The following ERAP1 variants were observed in gnomAD, a reference collection of about 807,000 sequenced individuals.
ERAP1 encodes the protein endoplasmic reticulum aminopeptidase 1, also known as adipocyte-derived leucine aminopeptidase.
In ERAP1, 86 loss-of-function variants were observed where a neutral mutation model predicts 103.7. That is an observed-to-expected ratio of 0.83 (90% CI 0.70 to 0.99). ERAP1 has a LOEUF of 0.99. Ranked by LOEUF, ERAP1 falls within the 50% of genes least tolerant of loss-of-function variation. The pLI, the probability that ERAP1 is intolerant of heterozygous loss-of-function variation, is 0.00. For synonymous variants in ERAP1, 398 were observed against 402.4 expected (o/e 0.99, Z 0.13); for missense variants, 1,009 against 1,128.4 (o/e 0.89, Z 1.52).
the ERAP1 span, among the ~76,000 whole-genome samples, chr5:96,846,794 A>T: frequency 1.4e-5 from 2 of 137,946 alleles, no homozygotes; most frequent in East Asian, 1.9e-4. Context: ...AAGCCATGGT[A>T]AAAAAAATGA....
At chr5:96,808,054 A>AGT, upstream of ERAP1, 1 of 985,360 alleles carries the variant, frequency 1.0e-6, no homozygotes, top group East Asian at 1.1e-4. Flanking sequence ...GGTAAACGGG[A>AGT]GTGGGGCCGA....
intron 11 of ERAP1, chr5:96,786,835 T>C: frequency 2.6e-6 from 1 of 378,058 alleles, no homozygotes. Flanking sequence ...CTCAGAGGCC[T>C]AACTTCAGGA....
rs768895290 is a variant in ERAP1, at chr5:96,792,211, G to A, written c.1189-19C>T. The A allele has an allele frequency of 8.7e-6, 14 of 1,610,532 alleles. No homozygotes were observed. The Admixed American group carries it at 1.7e-4, about 19-fold the overall frequency. On this transcript the variant is annotated intron_variant, in intron 7 of 18. Coordinates refer to ENST00000443439, the MANE Select transcript of ERAP1 (RefSeq NM_001040458.3). The stretch of plus-strand genomic sequence containing the variant: ...AATCTCCCTATTGAGATAGAAAAAA[G>A]AAAACATCACCTATGATTTACATTT...
At chr5:96,893,362 A>T in the ERAP1 span, among the ~76,000 whole-genome samples, 1 of 152,188 alleles carries the variant, frequency 6.6e-6, no homozygotes. Context: ...TATCGTCACC[A>T]CAATAATGAG....
the ERAP1 span, among the ~76,000 whole-genome samples, chr5:96,837,370 C>G: frequency 2.0e-5 from 3 of 152,144 alleles, no homozygotes; most frequent in African/African-American, 4.8e-5. Context: ...TACATTAGGT[C>G]AGTAGTTATA....
chr5:96,822,102 C>T, the ERAP1 span, among the ~76,000 whole-genome samples: 5 of 152,332 alleles, frequency 3.3e-5, no homozygotes, highest in South Asian at 1.0e-3. Flanking sequence ...CTCTTCACTG[C>T]TCTATTTCAG....
chr5:96,771,700 C>T, downstream of ERAP1: 1 of 1,599,106 alleles, frequency 6.3e-7, no homozygotes, highest in Non-Finnish European at 8.6e-7. Context: ...GTTAAGGTAT[C>T]TGGTAAGTTG....
the ERAP1 span, chr5:96,823,044 TG>T: frequency 7.2e-5 from 33 of 456,168 alleles, no homozygotes; most frequent in African/African-American, 4.8e-4. Context: ...TGCTGGCTGT[TG>T]ACTGGAGGCC....
intron 2 of ERAP1, among the ~76,000 whole-genome samples, chr5:96,801,623 G>A (rs535244203): frequency 6.6e-6 from 1 of 151,664 alleles, no homozygotes; most frequent in Non-Finnish European, 1.5e-5. Flanking sequence ...AGAGGCCTAG[G>A]CGGGCGGATC....
chr5:96,862,549 C>T, the ERAP1 span, among the ~76,000 whole-genome samples: 70 of 152,314 alleles, frequency 4.6e-4, no homozygotes, highest in Non-Finnish European at 8.5e-4. Context: ...GATATGAGAT[C>T]TGGAACTTGT....
chr5:96,840,304 C>T, the ERAP1 span, among the ~76,000 whole-genome samples: 7 of 152,262 alleles, frequency 4.6e-5, no homozygotes, highest in African/African-American at 1.7e-4. Flanking sequence ...AGTTCATCAG[C>T]CCCAGATTAT....
chr5:96,874,159 A>G, the ERAP1 span, among the ~76,000 whole-genome samples: 2,184 of 112,670 alleles, frequency 0.019, 63 homozygotes, highest in African/African-American at 0.08. Context: ...AGAAAGAAAG[A>G]AAGAAAGAAA....
At chr5:96,847,257 A>G in the ERAP1 span, among the ~76,000 whole-genome samples, 1 of 151,726 alleles carries the variant, frequency 6.6e-6, no homozygotes, top group Non-Finnish European at 1.5e-5. Flanking sequence ...CAAAAAAAAA[A>G]AAAAAAAAAG....
At chr5:96,916,411 C>G in the ERAP1 span, among the ~76,000 whole-genome samples, 1 of 148,842 alleles carries the variant, frequency 6.7e-6, no homozygotes, top group Non-Finnish European at 1.5e-5. Flanking sequence ...TGGAAGCGTA[C>G]TTAATGATCT....
At chr5:96,808,617 A>C (rs1215251982), upstream of ERAP1, among the ~76,000 whole-genome samples, 1 of 152,164 alleles carries the variant, frequency 6.6e-6, no homozygotes, top group Non-Finnish European at 1.5e-5. Flanking sequence ...CTGCACTACC[A>C]AGGGCCACTG....
At chr5:96,828,122 G>C in the ERAP1 span, among the ~76,000 whole-genome samples, 1 of 152,132 alleles carries the variant, frequency 6.6e-6, no homozygotes, top group Non-Finnish European at 1.5e-5. Flanking sequence ...TTTCTAATAA[G>C]TAAACAGAAC....
At chr5:96,770,470 C>A, downstream of ERAP1, 1 of 988,198 alleles carries the variant, frequency 1.0e-6, no homozygotes, top group Non-Finnish European at 1.6e-6. Context: ...TAACTGCAGC[C>A]TAGTTAATTG....
chr5:96,765,085 T>A, intron 19 of ERAP1: 1 of 652,782 alleles, frequency 1.5e-6, no homozygotes, highest in Non-Finnish European at 2.8e-6. Flanking sequence ...CCCTGTCTAC[T>A]CCCCTGCCCC....
At chr5:96,915,539 T>A in the ERAP1 span, 784 of 417,404 alleles carry the variant, frequency 1.9e-3, 6 homozygotes, top group African/African-American at 0.015. Flanking sequence ...TTGTACTGGA[T>A]GAATGTTATT....
Sources: gnomAD v4.1 joint callset for allele counts (sites outside exome capture counted in the v4.1 genomes callset) on GRCh38, gnomAD v4.1.1 for gene constraint, MANE v1.5 for transcripts, NCBI Gene and HGNC (gene_info 2026-07-23, HGNC 2026-07-21) for gene names.